MMP26: variants seen among roughly 807,000 people sequenced by gnomAD.
MMP26 encodes the protein matrix metallopeptidase 26.
In MMP26, 33 loss-of-function variants were observed where a neutral mutation model predicts 31.0. The observed-to-expected ratio is 1.06, with a 90% CI of 0.81 to 1.42. The LOEUF (loss-of-function observed/expected upper bound fraction) is 1.42, where lower values mean the gene tolerates loss of function less well. MMP26 is among the 40% of genes most tolerant of loss of function. The pLI, the probability that MMP26 is intolerant of heterozygous loss-of-function variation, is 0.00. For missense variants in MMP26, 347 were observed against 316.1 expected, an observed-to-expected ratio of 1.10 and a Z score of -0.74; for synonymous variants, 122 against 114.9, an observed-to-expected ratio of 1.06 and a Z score of -0.40.
At chr11:4,789,272 G>A (rs977792419) in intron 2 of MMP26, among the ~76,000 whole-genome samples, 2 of 152,102 alleles carry the variant, frequency 1.3e-5, no homozygotes, top group Non-Finnish European at 2.9e-5. Context: ...TTTGATTTAT[G>A]TTTCTAAAGC....
In MMP26 at chr11:4,865,965, G is replaced by A. The variant is rs538943462; in HGVS notation, c.-145+98624G>A. Among the ~76,000 whole-genome samples the A allele has an allele frequency of 3.9e-5, 6 of 152,154 alleles. No homozygotes were observed. The East Asian group carries it at 1.2e-3, about 29-fold the overall frequency. ...TGAGAGAAACTCAAGAGAGCTTTCT[G>A]GCATGAGAAAACAAACAGAGACTTG... On this transcript the variant is annotated intron_variant, in intron 2 of 7. Coordinates refer to ENST00000380390, the MANE Select transcript of MMP26 (RefSeq NM_021801.5).
chr11:4,922,664 T>C (rs986075324), intron 2 of MMP26, among the ~76,000 whole-genome samples: 8 of 152,188 alleles, frequency 5.3e-5, no homozygotes, highest in Non-Finnish European at 1.5e-5. Context: ...TTCTTTTACA[T>C]TTTTACTCTT....
chr11:4,946,208 T>C (rs1846299559), intron 2 of MMP26: 5 of 1,614,072 alleles, frequency 3.1e-6, no homozygotes. Context: ...TCTAATCTGT[T>C]TAGTTTTTAC....
chr11:4,849,152 G>A, intron 2 of MMP26: 1 of 1,613,964 alleles, frequency 6.2e-7, no homozygotes, highest in South Asian at 1.1e-5. Context: ...CCAGCAAGAA[G>A]GTGGGGGCCA....
chr11:4,949,770 TAAC>T lies in MMP26; in HGVS notation c.-144-38295_-144-38293del, dbSNP rs1298370312. On this transcript the variant is annotated intron_variant, in intron 2 of 7. Transcript: ENST00000380390. The stretch of plus-strand genomic sequence containing the variant: ...TCATCAAAGCAGAAATTTCATTCCT[TAAC>T]AAGTTTTAAAAAATCCATAATTTAA... 3.2e-5 allele frequency among the ~76,000 whole-genome samples: 4 copies of T among 123,220 alleles called. 1 individual carries two copies. Among genetic ancestry groups the T allele is most frequent in the Non-Finnish European group, 5.5e-5 (3 of 54,232 alleles). 80.8% of individuals were successfully genotyped at this position (123,220 alleles called of 152,430 possible).
intron 2 of MMP26, among the ~76,000 whole-genome samples, chr11:4,927,090 G>A (rs144334040): frequency 1.7e-4 from 26 of 152,238 alleles, no homozygotes; most frequent in Middle Eastern, 3.4e-3. Flanking sequence ...ATAAATGAAT[G>A]TCATCCTAGG....
intron 2 of MMP26, among the ~76,000 whole-genome samples, chr11:4,819,882 A>G (rs1243709093): frequency 1.3e-5 from 2 of 151,990 alleles, no homozygotes; most frequent in African/African-American, 4.8e-5. Flanking sequence ...CCTGGCCTCA[A>G]CTGAATTTGA....
At chr11:4,916,824 C>A (rs1258527479) in intron 2 of MMP26, among the ~76,000 whole-genome samples, 11 of 152,188 alleles carry the variant, frequency 7.2e-5, no homozygotes, top group Admixed American at 5.9e-4. Flanking sequence ...CTGCTGTGGA[C>A]CTAAGTGGCA....
rs1390030226 is a variant in MMP26 at position 4,981,294 on chromosome 11, A to G, written c.-144-6774A>G. On this transcript the variant is annotated intron_variant, in intron 2 of 7. Transcript: ENST00000380390. ...TAATGATAGAGATACTCATTCTGAG[A>G]AATGCATTGTCATGAGAACATCGTA... 2.0e-5 allele frequency among the ~76,000 whole-genome samples: 3 copies of G among 152,138 alleles called. No homozygotes were observed. The East Asian group carries it at 5.8e-4, about 29-fold the overall frequency.
At chr11:4,728,529 G>A (rs1318517291) in intron 1 of MMP26, among the ~76,000 whole-genome samples, 4 of 152,196 alleles carry the variant, frequency 2.6e-5, no homozygotes, top group Non-Finnish European at 5.9e-5. Flanking sequence ...TTATAAGTGT[G>A]AGAGAATTCA....
In MMP26 at chr11:4,797,569, AC is replaced by A. The variant is rs202058532; in HGVS notation, c.-145+30230del. 7.2e-3 allele frequency among the ~76,000 whole-genome samples: 1,096 copies of A among 152,308 alleles called. 21 individuals carry two copies. Among genetic ancestry groups the A allele is most frequent in the African/African-American group, 0.022 (917 of 41,562 alleles). ...TGAGCCCTTTCTATTCAGTCAGGAA[AC>A]CAATTAAAGTGGGGAGATACAGTGA... On this transcript the variant is annotated intron_variant, in intron 2 of 7. Coordinates refer to ENST00000380390, the MANE Select transcript of MMP26 (RefSeq NM_021801.5).
chr11:4,882,204 A>G (rs1256197550), intron 2 of MMP26: 5 of 1,613,726 alleles, frequency 3.1e-6, no homozygotes, highest in Non-Finnish European at 4.2e-6. Context: ...TGCTTCATTC[A>G]AATGTTCTTT....
intron 2 of MMP26, among the ~76,000 whole-genome samples, chr11:4,828,676 G>T (rs1849609315): frequency 1.3e-5 from 2 of 152,078 alleles, no homozygotes; most frequent in African/African-American, 4.8e-5. Context: ...CTCTAATTAG[G>T]ATAATCTAAC....
At chr11:4,896,391 C>T (rs1779567264) in intron 2 of MMP26, among the ~76,000 whole-genome samples, 1 of 152,152 alleles carries the variant, frequency 6.6e-6, no homozygotes, top group African/African-American at 2.4e-5. Flanking sequence ...AGCTCTGCCA[C>T]CCTCTGTAAA....
chr11:4,720,201 A>C (rs1281764504), intron 1 of MMP26, among the ~76,000 whole-genome samples: 1 of 152,246 alleles, frequency 6.6e-6, no homozygotes, highest in Admixed American at 6.5e-5. Context: ...GATGTCGAGC[A>C]TAAGCATTCT....
chr11:4,874,094 A>G (rs1188447648), intron 2 of MMP26, among the ~76,000 whole-genome samples: 1 of 152,078 alleles, frequency 6.6e-6, no homozygotes, highest in East Asian at 1.9e-4. Context: ...TGCAGCTCCA[A>G]TTGTTGAAGT....
chr11:4,819,386 G>T (rs375671861), intron 2 of MMP26, among the ~76,000 whole-genome samples: 11 of 151,886 alleles, frequency 7.2e-5, no homozygotes, highest in African/African-American at 2.7e-4. Flanking sequence ...AAAACATAAG[G>T]TACCCGGGAG....
intron 2 of MMP26, among the ~76,000 whole-genome samples, chr11:4,928,337 G>A (rs1414363378): frequency 6.6e-6 from 1 of 151,996 alleles, no homozygotes; most frequent in African/African-American, 2.4e-5. Flanking sequence ...GCCATTCTTT[G>A]TGTTTTCTCC....
At chr11:4,758,050 T>A (rs186537059) in intron 1 of MMP26, among the ~76,000 whole-genome samples, 62 of 152,326 alleles carry the variant, frequency 4.1e-4, no homozygotes, top group African/African-American at 1.4e-3. Context: ...AATACATGTA[T>A]ACAAGTGTTC....
Sources: gnomAD v4.1 joint callset for allele counts (sites outside exome capture counted in the v4.1 genomes callset) on GRCh38, gnomAD v4.1.1 for gene constraint, MANE v1.5 for transcripts, NCBI Gene and HGNC (gene_info 2026-07-23, HGNC 2026-07-21) for gene names.